The following FGF14 variants were observed in gnomAD, a reference collection of about 807,000 sequenced individuals.
The protein encoded by FGF14 is fibroblast growth factor 14.
Under a neutral mutation model 25.5 loss-of-function variants are expected in FGF14, and 5 were observed. The ratio of observed to expected loss-of-function variants is 0.20; its 90% CI spans 0.10 to 0.41. The LOEUF (loss-of-function observed/expected upper bound fraction) is 0.41, where lower values mean the gene tolerates loss of function less well. FGF14 is among the 10% of genes least tolerant of loss of function. The pLI is 1.00. For missense variants in FGF14, 222 were observed against 320.1 expected, an observed-to-expected ratio of 0.69 and a Z score of 2.34; for synonymous variants, 138 against 118.3, an observed-to-expected ratio of 1.17 and a Z score of -1.08.
chr13:102,072,806 G>A (rs1271864042), intron 1 of FGF14, among the ~76,000 whole-genome samples: 1 of 152,190 alleles, frequency 6.6e-6, no homozygotes, highest in Non-Finnish European at 1.5e-5. Context: ...AGAAATAAGA[G>A]TTGTAAATTG....
At chr13:102,039,611 A>G (rs1386854412) in intron 1 of FGF14, among the ~76,000 whole-genome samples, 4 of 152,096 alleles carry the variant, frequency 2.6e-5, no homozygotes, top group Non-Finnish European at 5.9e-5. Flanking sequence ...CCTGTGTCCA[A>G]ATGTTCTTCT....
At chr13:102,165,478 T>C (rs1594240051) in intron 1 of FGF14, among the ~76,000 whole-genome samples, 2 of 151,832 alleles carry the variant, frequency 1.3e-5, no homozygotes, top group South Asian at 4.2e-4. Context: ...TGGAATACTA[T>C]GCAGCCATAA....
At chr13:102,315,526 T>C (rs1054204657) in intron 1 of FGF14, among the ~76,000 whole-genome samples, 1 of 152,208 alleles carries the variant, frequency 6.6e-6, no homozygotes, top group Non-Finnish European at 1.5e-5. Context: ...GCCTTGTATT[T>C]GGCACAGTTT....
chr13:102,161,608 AAGAAGAAGAAGAAGAAGAAGAAGAAG>A (rs2047684962), intron 1 of FGF14, among the ~76,000 whole-genome samples: 5 of 6,524 alleles, frequency 7.7e-4, no homozygotes, highest in African/African-American at 1.9e-3. Context: ...GAAGAAGAAG[AAGAAGAAGAAGAAGAAGAAGAAGAAG>A]AAGAAGAAGA....
At chr13:101,735,138 T>C (rs901472854) in intron 3 of FGF14, among the ~76,000 whole-genome samples, 11 of 152,098 alleles carry the variant, frequency 7.2e-5, no homozygotes, top group Admixed American at 7.2e-4. Context: ...AACTAACCTA[T>C]TCCTAGAGGT....
intron 3 of FGF14, among the ~76,000 whole-genome samples, chr13:101,817,899 T>C (rs1026656641): frequency 1.3e-5 from 2 of 152,096 alleles, no homozygotes. Context: ...AAGAGAAAAA[T>C]AGAGATTGTA....
intron 1 of FGF14, among the ~76,000 whole-genome samples, chr13:102,018,769 ACTC>A (rs879633464): frequency 0.032 from 4,812 of 152,088 alleles, 244 homozygotes; most frequent in African/African-American, 0.11. Context: ...TTGTTCATCT[ACTC>A]TGGCTTAGCA....
intron 1 of FGF14, among the ~76,000 whole-genome samples, chr13:102,253,632 G>C (rs2052303853): frequency 6.6e-6 from 1 of 152,126 alleles, no homozygotes. Context: ...TCACTCTGAT[G>C]ATAGTTTATT....
At chr13:101,887,806 C>T (rs1325559699) in intron 1 of FGF14, among the ~76,000 whole-genome samples, 1 of 152,158 alleles carries the variant, frequency 6.6e-6, no homozygotes. Context: ...CTGATTTGAT[C>T]ATTACACATT....
chr13:102,251,912 T>A lies in FGF14; in HGVS notation c.208+149559A>T, dbSNP rs566107123. The stretch of plus-strand genomic sequence containing the variant: ...ACTGATAAATTTGAAATGAAATTTA[T>A]GAATCCAGAGAACTCATTTTCTTTG... On this transcript the variant is annotated intron_variant, in intron 1 of 4. Transcript: ENST00000376131. Among the ~76,000 whole-genome samples, 5 of 152,328 alleles carry A rather than the reference T, an allele frequency of 3.3e-5. No individual in the cohort carries two copies. In the East Asian group the frequency reaches 7.7e-4, roughly 24 times the overall value.
At chr13:101,773,026 T>C (rs2038876810) in intron 3 of FGF14, among the ~76,000 whole-genome samples, 1 of 152,070 alleles carries the variant, frequency 6.6e-6, no homozygotes, top group Admixed American at 6.6e-5. Context: ...TAAGGAAAGG[T>C]GTGGTAGCTA....
At chr13:102,273,824 A>C (rs1427415449) in intron 1 of FGF14, among the ~76,000 whole-genome samples, 1 of 151,972 alleles carries the variant, frequency 6.6e-6, no homozygotes, top group Non-Finnish European at 1.5e-5. Context: ...CTGTAGTCTC[A>C]ACTACTTAAA....
intron 1 of FGF14, among the ~76,000 whole-genome samples, chr13:102,306,817 A>C (rs1196468038): frequency 6.6e-6 from 1 of 152,138 alleles, no homozygotes; most frequent in Non-Finnish European, 1.5e-5. Flanking sequence ...AAAAGGCCAG[A>C]GTCATATATT....
At chr13:101,766,375 C>T (rs1432826532) in intron 3 of FGF14, among the ~76,000 whole-genome samples, 2 of 152,124 alleles carry the variant, frequency 1.3e-5, no homozygotes, top group African/African-American at 4.8e-5. Context: ...TTGGTGTTCA[C>T]ATAGAGACCT....
At chr13:101,737,203 A>G (rs113632462) in intron 3 of FGF14, among the ~76,000 whole-genome samples, 1,596 of 151,794 alleles carry the variant, frequency 0.011, 30 homozygotes, top group African/African-American at 0.036. Context: ...AGAGACCCCA[A>G]GAATCTGGAA....
At chr13:102,280,768 C>G (rs2053789985) in intron 1 of FGF14, among the ~76,000 whole-genome samples, 1 of 152,098 alleles carries the variant, frequency 6.6e-6, no homozygotes, top group South Asian at 2.1e-4. Context: ...AACAAACAAA[C>G]AAGATCTAGA....
intron 1 of FGF14, among the ~76,000 whole-genome samples, chr13:102,026,037 G>C (rs770024636): frequency 3.3e-5 from 5 of 151,864 alleles, no homozygotes; most frequent in Non-Finnish European, 7.4e-5. Context: ...TTGTTCTAGG[G>C]GGAAATCATT....
chr13:102,399,876 G>C (rs1489766748), intron 1 of FGF14, among the ~76,000 whole-genome samples: 1 of 152,132 alleles, frequency 6.6e-6, no homozygotes, highest in Admixed American at 6.5e-5. Context: ...GGAGCAGCCA[G>C]AGGCTACTAC....
chr13:102,011,559 T>G (rs569242428), intron 1 of FGF14, among the ~76,000 whole-genome samples: 90 of 149,814 alleles, frequency 6.0e-4, no homozygotes, highest in African/African-American at 2.1e-3. Context: ...GGATCGCCTT[T>G]TGGAAGATGC....
Sources: gnomAD v4.1 joint callset for allele counts (sites outside exome capture counted in the v4.1 genomes callset) on GRCh38, gnomAD v4.1.1 for gene constraint, MANE v1.5 for transcripts, NCBI Gene and HGNC (gene_info 2026-07-23, HGNC 2026-07-21) for gene names.